PAG1: variants seen among roughly 807,000 people sequenced by gnomAD.
PAG1 encodes phosphoprotein membrane anchor with glycosphingolipid microdomains 1, also known as phosphoprotein associated with glycosphingolipid-enriched microdomains 1.
PAG1 carries 23 observed loss-of-function variants against 31.7 expected under a neutral mutation model. That is an observed-to-expected ratio of 0.73 (90% CI 0.52 to 1.03). The LOEUF is 1.03. Among genes scored for constraint, PAG1 ranks in the 50% least tolerant of loss-of-function variants. The probability of loss-of-function intolerance (pLI) is 0.00; values close to 1 mark genes in which losing one functional copy is unlikely to be tolerated. For missense variants in PAG1, 473 were observed against 540.7 expected (o/e 0.87, Z 1.24); for synonymous variants, 214 against 210.3 (o/e 1.02, Z -0.15).
chr8:81,052,650 C>A (rs1431415802), intron 2 of PAG1, among the ~76,000 whole-genome samples: 1 of 152,074 alleles, frequency 6.6e-6, no homozygotes, highest in Non-Finnish European at 1.5e-5. Flanking sequence ...AATCATTAAC[C>A]ACAGAAATAT....
intron 3 of PAG1, among the ~76,000 whole-genome samples, chr8:80,997,128 G>C (rs1443703603): frequency 1.3e-4 from 20 of 152,274 alleles, no homozygotes; most frequent in Admixed American, 9.8e-4. Context: ...TTGACTATCA[G>C]GGATGATCTC....
intron 2 of PAG1, among the ~76,000 whole-genome samples, chr8:81,041,549 T>C (rs778564064): frequency 6.6e-6 from 1 of 152,214 alleles, no homozygotes; most frequent in Non-Finnish European, 1.5e-5. Flanking sequence ...TTTAGCTCTT[T>C]GATGACTTTG....
intron 2 of PAG1, among the ~76,000 whole-genome samples, chr8:81,051,607 C>G (rs146217012): frequency 1.7e-3 from 252 of 152,224 alleles, no homozygotes; most frequent in African/African-American, 5.7e-3. Flanking sequence ...TTTTTACATT[C>G]TTAAGACAAA....
In PAG1 at chr8:81,006,163, A is replaced by G. The variant is rs140517456; in HGVS notation, c.-80-12856T>C. ...TCATCATGTTGGCCAGGCTGGTCTCAAACTCCTGACCTCAAGTGATCTGCC... is the reference window on the plus strand; with the variant it reads ...TCATCATGTTGGCCAGGCTGGTCTCGAACTCCTGACCTCAAGTGATCTGCC... On this transcript the variant is annotated intron_variant, in intron 3 of 8. Transcript: ENST00000220597. Among the ~76,000 whole-genome samples the G allele has an allele frequency of 7.0e-3, 1,065 of 152,034 alleles. 7 individuals are homozygous for G. Among genetic ancestry groups the G allele is most frequent in the African/African-American group, 0.025 (1,023 of 41,456 alleles).
chr8:80,998,035 C>A (rs1004007591), intron 3 of PAG1, among the ~76,000 whole-genome samples: 2 of 151,992 alleles, frequency 1.3e-5, no homozygotes, highest in Admixed American at 6.5e-5. Flanking sequence ...GGTCCATACT[C>A]TCTTACCCTT....
At chr8:81,096,513 A>C (rs1809530492) in intron 1 of PAG1, among the ~76,000 whole-genome samples, 1 of 152,216 alleles carries the variant, frequency 6.6e-6, no homozygotes, top group Non-Finnish European at 1.5e-5. Context: ...TTAATTCAGC[A>C]AAATTATGTT....
chr8:81,021,501 AGTGTGTGTGTGTGTGCATGTGTGT>A (rs1346185965), intron 3 of PAG1, among the ~76,000 whole-genome samples: 1 of 100,394 alleles, frequency 1.0e-5, no homozygotes, highest in Non-Finnish European at 2.2e-5. Context: ...CATTACTTCA[AGTGTGTGTGTGTGTGCATGTGTGT>A]GTGTGTGTGT....
chr8:81,036,625 T>A (rs1808465667), intron 2 of PAG1, among the ~76,000 whole-genome samples: 1 of 152,202 alleles, frequency 6.6e-6, no homozygotes. Context: ...TGATGCACTG[T>A]GCAATATTGG....
chr8:81,081,729 T>G (rs73694075), intron 1 of PAG1, among the ~76,000 whole-genome samples: 10,321 of 151,338 alleles, frequency 0.068, 1,162 homozygotes, highest in African/African-American at 0.23. Flanking sequence ...TCTCTGGAGA[T>G]GCACACTAGC....
chr8:81,071,900 A>G (rs1303670966), intron 1 of PAG1, among the ~76,000 whole-genome samples: 1 of 152,052 alleles, frequency 6.6e-6, no homozygotes, highest in Non-Finnish European at 1.5e-5. Context: ...CATTGTGACA[A>G]TTTCCCCATC....
intron 1 of PAG1, among the ~76,000 whole-genome samples, chr8:81,091,921 G>A (rs998062965): frequency 6.6e-6 from 1 of 150,918 alleles, no homozygotes; most frequent in Non-Finnish European, 1.5e-5. Flanking sequence ...AATTGCTTGA[G>A]CCTAGGAGTT....
intron 1 of PAG1, among the ~76,000 whole-genome samples, chr8:81,079,170 C>T (rs1178540644): frequency 6.6e-6 from 1 of 151,370 alleles, no homozygotes; most frequent in Non-Finnish European, 1.5e-5. Flanking sequence ...TCCTTGATTT[C>T]CCCCCCTTAC....
intron 1 of PAG1, among the ~76,000 whole-genome samples, chr8:81,084,535 A>C (rs1416308324): frequency 6.6e-6 from 1 of 152,190 alleles, no homozygotes; most frequent in East Asian, 1.9e-4. Context: ...ATATTTCAAG[A>C]AAATGAAAGG....
intron 3 of PAG1, among the ~76,000 whole-genome samples, chr8:80,998,327 A>G (rs1807723254): frequency 6.6e-6 from 1 of 151,856 alleles, no homozygotes. Context: ...ACGGGGTTTC[A>G]CCATGTTGGC....
chr8:81,100,725 T>C (rs1429985838), intron 1 of PAG1, among the ~76,000 whole-genome samples: 9 of 152,172 alleles, frequency 5.9e-5, no homozygotes, highest in Non-Finnish European at 1.3e-4. Context: ...GACTAGCAAA[T>C]GATGATTCTC....
intron 1 of PAG1, among the ~76,000 whole-genome samples, chr8:81,110,657 G>A (rs1272083338): frequency 6.6e-6 from 1 of 152,176 alleles, no homozygotes; most frequent in Non-Finnish European, 1.5e-5. Flanking sequence ...TTCAAAAAGC[G>A]GTCCTCTGCA....
intron 2 of PAG1, among the ~76,000 whole-genome samples, chr8:81,059,404 A>G (rs776364879): frequency 1.3e-5 from 2 of 152,158 alleles, no homozygotes; most frequent in Non-Finnish European, 2.9e-5. Context: ...CATTTTATAA[A>G]ATTCAAATAT....
rs2130299289 is a variant in PAG1, at chr8:80,973,902, C to G, written c.*2642G>C. On this transcript the variant is annotated 3_prime_UTR_variant, in exon 9 of 9. Coordinates refer to ENST00000220597, the MANE Select transcript of PAG1 (RefSeq NM_018440.4). Reference sequence around the variant, plus strand: ...TAAGGTTCACTCTGCTTCTCTCCCCCAGCCCTCATGGCCTGTGCTACCATC... The same window carrying G: ...TAAGGTTCACTCTGCTTCTCTCCCCGAGCCCTCATGGCCTGTGCTACCATC... 6.6e-6 allele frequency: 1 copy of G among 152,326 alleles called. No individual in the cohort carries two copies. Among genetic ancestry groups the G allele is most frequent in the East Asian group, 1.9e-4 (1 of 5,192 alleles). The allele number at this position is 152,326 out of a possible 1,614,324, so 9.4% of individuals were successfully genotyped here.
chr8:81,089,848 T>C (rs1374167761), intron 1 of PAG1, among the ~76,000 whole-genome samples: 1 of 152,156 alleles, frequency 6.6e-6, no homozygotes. Flanking sequence ...TCTCCCAGCA[T>C]GCTCATTTAA....
Sources: allele counts gnomAD v4.1 joint callset (sites outside exome capture counted in the v4.1 genomes callset), GRCh38; gene constraint gnomAD v4.1.1; transcripts MANE v1.5; gene names NCBI Gene and HGNC (gene_info 2026-07-23, HGNC 2026-07-21).